XYLT1: variants seen among roughly 807,000 people sequenced by gnomAD.
The protein encoded by XYLT1 is xylosyltransferase 1.
XYLT1 carries 36 observed loss-of-function variants against 91.3 expected under a neutral mutation model. That is an observed-to-expected ratio of 0.39 (90% confidence interval 0.30 to 0.52). XYLT1 has a LOEUF of 0.52. Ranked by LOEUF, XYLT1 falls within the 20% of genes least tolerant of loss-of-function variation. The pLI is 0.68. For missense variants in XYLT1, 1,242 were observed against 1,284.5 expected (o/e 0.97, Z 0.51); for synonymous variants, 588 against 532.0 (o/e 1.11, Z -1.45).
chr16:17,169,073 C>G (rs1352912818), intron 5 of XYLT1, among the ~76,000 whole-genome samples: 1 of 152,214 alleles, frequency 6.6e-6, no homozygotes, highest in Non-Finnish European at 1.5e-5. Flanking sequence ...ATAGGTCAGG[C>G]CCTGTGACAA....
intron 5 of XYLT1, among the ~76,000 whole-genome samples, chr16:17,195,428 T>C (rs1346440278): frequency 6.6e-6 from 1 of 152,006 alleles, no homozygotes; most frequent in African/African-American, 2.4e-5. Context: ...CATCTTCCTT[T>C]TTTTTTGTTG....
chr16:17,135,163 CT>C (rs2030665192), intron 8 of XYLT1, among the ~76,000 whole-genome samples: 1 of 151,968 alleles, frequency 6.6e-6, no homozygotes. Context: ...ATTCTTTTGG[CT>C]TCTCTTTAAA....
intron 1 of XYLT1, among the ~76,000 whole-genome samples, chr16:17,466,378 G>A (rs8182153): frequency 0.12 from 18,268 of 152,200 alleles, 1,599 homozygotes; most frequent in East Asian, 0.4. Context: ...GGAGCGGGGT[G>A]TGGGGGGCAG....
intron 1 of XYLT1, among the ~76,000 whole-genome samples, chr16:17,469,784 TAA>T (rs1299748045): frequency 1.3e-5 from 2 of 151,716 alleles, no homozygotes; most frequent in Admixed American, 6.6e-5. Flanking sequence ...GGGGAGGAGA[TAA>T]AGTCACAGAG....
intron 4 of XYLT1, among the ~76,000 whole-genome samples, chr16:17,199,506 G>A (rs1157922870): frequency 1.3e-5 from 2 of 152,150 alleles, no homozygotes; most frequent in Non-Finnish European, 2.9e-5. Context: ...TAGTGATATG[G>A]TTTGGTTGTG....
chr16:17,145,991 A>T lies in XYLT1; in HGVS notation c.1371-4622T>A, dbSNP rs141959229. Among the ~76,000 whole-genome samples, 874 of 152,248 alleles carry T rather than the reference A, an allele frequency of 5.7e-3. 8 individuals carry two copies. The highest frequency in any genetic ancestry group is 0.02 in the African/African-American group (812 of 41,540). On this transcript the variant is annotated intron_variant, in intron 6 of 11. Coordinates refer to ENST00000261381, the MANE Select transcript of XYLT1 (RefSeq NM_022166.4). ...TTGTGCCTCCCTTCCAGGTCCTAGG[A>T]CAGTGCAGGTCAGCTGCTCAAGAAA...
intron 5 of XYLT1, among the ~76,000 whole-genome samples, chr16:17,174,475 G>A (rs533434171): frequency 6.6e-6 from 1 of 152,322 alleles, no homozygotes; most frequent in African/African-American, 2.4e-5. Flanking sequence ...CTACAATGCA[G>A]ATGAACCTTG....
chr16:17,264,530 G>C (rs902256468), intron 2 of XYLT1, among the ~76,000 whole-genome samples: 1 of 152,118 alleles, frequency 6.6e-6, no homozygotes, highest in Non-Finnish European at 1.5e-5. Flanking sequence ...GACTGCCAAG[G>C]GGCAAACAGA....
intron 2 of XYLT1, chr16:17,338,623 T>G (rs920827148): frequency 1.0e-5 from 4 of 390,834 alleles, no homozygotes; most frequent in African/African-American, 8.4e-5. Flanking sequence ...CCTGCTCACA[T>G]TCACCCTTTT....
intron 1 of XYLT1, among the ~76,000 whole-genome samples, chr16:17,449,274 T>G (rs2036633699): frequency 6.6e-6 from 1 of 152,262 alleles, no homozygotes; most frequent in South Asian, 2.1e-4. Context: ...GGAAAGGCTC[T>G]GACGACAGTA....
chr16:17,400,637 A>G (rs749647396), intron 1 of XYLT1, among the ~76,000 whole-genome samples: 36 of 68,562 alleles, frequency 5.3e-4, no homozygotes, highest in Admixed American at 8.7e-4. Context: ...GGGAGGAAGG[A>G]AGGAAGGAAG....
chr16:17,186,108 A>C (rs1010715284), intron 5 of XYLT1, among the ~76,000 whole-genome samples: 1 of 151,964 alleles, frequency 6.6e-6, no homozygotes, highest in Non-Finnish European at 1.5e-5. Flanking sequence ...TTTCTTTTTT[A>C]TTTTTATTTT....
chr16:17,389,298 T>C (rs1232225035), intron 1 of XYLT1, among the ~76,000 whole-genome samples: 3 of 152,184 alleles, frequency 2.0e-5, no homozygotes, highest in African/African-American at 7.2e-5. Flanking sequence ...CAGGCTGGAG[T>C]GCAGCGGCAC....
rs76081691 is a variant in XYLT1, at chr16:17,263,691, C to T, written c.403-4193G>A. On this transcript the variant is annotated intron_variant, in intron 2 of 11. Transcript: ENST00000261381. ...CTGCGGCGTTCTCTCTGGCTTCCCCCCTTCAATTCATTTTTTTCTTTTCTT... is the reference window on the plus strand; with the variant it reads ...CTGCGGCGTTCTCTCTGGCTTCCCCTCTTCAATTCATTTTTTTCTTTTCTT... Among the ~76,000 whole-genome samples, 882 of 151,922 alleles carry T rather than the reference C, an allele frequency of 5.8e-3. 6 individuals carry two copies. The highest frequency in any genetic ancestry group is 0.058 in the Middle Eastern group (17 of 294).
chr16:17,420,588 C>A (rs1163319618), intron 1 of XYLT1, among the ~76,000 whole-genome samples: 2 of 152,158 alleles, frequency 1.3e-5, no homozygotes, highest in African/African-American at 2.4e-5. Flanking sequence ...GAGAACAAGG[C>A]AACTCCTCTC....
chr16:17,181,150 G>C (rs377630069), intron 5 of XYLT1, among the ~76,000 whole-genome samples: 94 of 152,276 alleles, frequency 6.2e-4, no homozygotes, highest in Middle Eastern at 3.4e-3. Context: ...CACCTCATTG[G>C]GGTAGAGAAG....
intron 2 of XYLT1, among the ~76,000 whole-genome samples, chr16:17,274,008 T>C (rs1489009687): frequency 6.6e-6 from 1 of 151,486 alleles, no homozygotes; most frequent in Non-Finnish European, 1.5e-5. Flanking sequence ...GCCTCCCGGG[T>C]TCAAGTGATT....
intron 1 of XYLT1, among the ~76,000 whole-genome samples, chr16:17,441,590 A>G (rs890654139): frequency 6.6e-6 from 1 of 152,150 alleles, no homozygotes; most frequent in Non-Finnish European, 1.5e-5. Context: ...CCTCAAGGGA[A>G]TTGGGACTTT....
At chr16:17,309,340 G>A (rs955846200) in intron 2 of XYLT1, among the ~76,000 whole-genome samples, 1 of 152,216 alleles carries the variant, frequency 6.6e-6, no homozygotes, top group African/African-American at 2.4e-5. Context: ...ACCCCCAGTT[G>A]AGAGTTGCTA....
Sources: allele counts gnomAD v4.1 joint callset (sites outside exome capture counted in the v4.1 genomes callset), GRCh38; gene constraint gnomAD v4.1.1; transcripts MANE v1.5; gene names NCBI Gene and HGNC (gene_info 2026-07-23, HGNC 2026-07-21).